The following FBXO31 variants were observed in gnomAD, a reference collection of about 807,000 sequenced individuals.
FBXO31 encodes F-box only protein 31.
FBXO31 carries 24 observed loss-of-function variants against 54.4 expected under a neutral mutation model. The observed-to-expected ratio is 0.44, with a 90% CI of 0.32 to 0.62. The LOEUF (loss-of-function observed/expected upper bound fraction) is 0.62, where lower values mean the gene tolerates loss of function less well. Ranked by LOEUF, FBXO31 falls within the 20% of genes least tolerant of loss-of-function variation. FBXO31 has a pLI of 0.05. For synonymous variants in FBXO31, 388 were observed against 335.6 expected, an observed-to-expected ratio of 1.16 and a Z score of -1.71; for missense variants, 665 against 787.1, an observed-to-expected ratio of 0.84 and a Z score of 1.86.
At chr16:87,388,053 T>C (rs1453283541), upstream of FBXO31, among the ~76,000 whole-genome samples, 2 of 152,224 alleles carry the variant, frequency 1.3e-5, no homozygotes, top group Non-Finnish European at 2.9e-5. Context: ...ACAGCAGTCC[T>C]ACAGAATTTG....
rs997838287 is a variant in FBXO31, at chr16:87,335,214, G to A, written c.996+90C>T. The stretch of plus-strand genomic sequence containing the variant: ...CCACTCTGAGGAGCAAGGGTGCCGG[G>A]GATCAGTGTCTGCCCAAGTTCCCTG... On this transcript the variant is annotated intron_variant, in intron 7 of 8. Coordinates refer to ENST00000311635, the MANE Select transcript of FBXO31 (RefSeq NM_024735.5). The surrounding 1 kb of genome is among the most constrained non-coding windows in gnomAD (Gnocchi z 5.7). The A allele has an allele frequency of 1.3e-6, 2 of 1,567,600 alleles. No homozygotes were observed. The highest frequency in any genetic ancestry group is 1.7e-6 in the Non-Finnish European group (2 of 1,151,838).
At chr16:87,364,229 C>T (rs1248048143) in intron 1 of FBXO31, among the ~76,000 whole-genome samples, 1 of 152,266 alleles carries the variant, frequency 6.6e-6, no homozygotes, top group African/African-American at 2.4e-5. Context: ...GCTCATCCCA[C>T]AAGACGCCTC....
chr16:87,366,971 A>C (rs1229630141), intron 1 of FBXO31: 1 of 152,250 alleles, frequency 6.6e-6, no homozygotes, highest in African/African-American at 2.4e-5. Context: ...TGAACCCAGG[A>C]GTTCAAGACC....
Position 87,383,529 on chromosome 16 carries a change from G to C in FBXO31, c.216C>G (p.Pro72=), listed in dbSNP as rs775427414. The C allele has an allele frequency of 1.1e-5, 18 of 1,580,682 alleles. No homozygotes were observed. In the South Asian group the frequency reaches 1.5e-4, roughly 13 times the overall value. The change falls in exon 1 of 9, where the codon CCC becomes CCG. Residue 72 remains proline, a synonymous_variant. Coordinates refer to ENST00000311635, the MANE Select transcript of FBXO31 (RefSeq NM_024735.5). The surrounding 1 kb of genome is among the most constrained non-coding windows in gnomAD (Gnocchi z 4.9). The part of the protein sequence containing the change: ...PPRCSLLELP[P]ELLVEIFASL... ...ACGCGAAGATCTCCACCAGCAGCTC[G>C]GGCGGCAGCTCCAGCAGCGAGCAGC...
intron 8 of FBXO31, among the ~76,000 whole-genome samples, 178 bp from the exon 9 acceptor site, chr16:87,331,688 G>A (rs1009255884): frequency 3.3e-5 from 5 of 152,258 alleles, no homozygotes; most frequent in Non-Finnish European, 7.3e-5. Context: ...TGTGGGCTGA[G>A]CCTGTCTCTG....
In FBXO31 at chr16:87,376,754, T is replaced by G. The variant is rs570180470; in HGVS notation, c.340+6651A>C. ...CAGGACGCCAGGTGGGCAAGGACCA[T>G]GCACCTCCCAGGCAGCCCAAGCTCT... On this transcript the variant is annotated intron_variant, in intron 1 of 8. Coordinates refer to ENST00000311635, the MANE Select transcript of FBXO31 (RefSeq NM_024735.5). 3.9e-5 allele frequency among the ~76,000 whole-genome samples: 6 copies of G among 152,166 alleles called. No homozygotes were observed. The South Asian group carries it at 1.2e-3, about 32-fold the overall frequency.
chr16:87,333,948 C>T lies in FBXO31; in HGVS notation c.1335G>A (p.Pro445=), dbSNP rs368130582. Residue 445 remains proline (P), a synonymous_variant, in exon 8 of 9, where the codon CCG becomes CCA. Transcript: ENST00000311635. ...AGCTCACGCCCACGGGCAGCACGAACGGCTGCCCCTGCCCACACTGGGCAG... is the reference window on the plus strand; with the variant it reads ...AGCTCACGCCCACGGGCAGCACGAATGGCTGCCCCTGCCCACACTGGGCAG... ...EQPAQCGQGQ[P]FVLPVGVSSR... is the part of the protein sequence containing the mutation. The T allele has an allele frequency of 1.4e-5, 23 of 1,612,220 alleles. No homozygotes were observed. In the East Asian group the frequency reaches 2.0e-4, roughly 14 times the overall value.
chr16:87,335,159 T>C lies in FBXO31; in HGVS notation c.996+145A>G. 8.5e-7 allele frequency: 1 copy of C among 1,177,940 alleles called. No homozygotes were observed. The allele number at this position is 1,177,940 out of a possible 1,614,324, so 73.0% of individuals were successfully genotyped here. On this transcript the variant is annotated intron_variant, in intron 7 of 8. Transcript: ENST00000311635. This position sits in a 1 kb window ranked among gnomAD's most constrained non-coding sequence, Gnocchi z 5.7. ...CTGGCTGGGGCCCGAGAATCTGCTT[T>C]CCCAAGCTCCCGGGGCTGCAGGTGC...
intron 1 of FBXO31, among the ~76,000 whole-genome samples, chr16:87,373,313 A>G (rs933589757): frequency 6.6e-6 from 1 of 151,892 alleles, no homozygotes; most frequent in Non-Finnish European, 1.5e-5. Flanking sequence ...TTAGCCGAGC[A>G]TGGTGTCGGG....
At chr16:87,339,743 G>C (rs1301382402) in intron 5 of FBXO31, among the ~76,000 whole-genome samples, 1 of 152,222 alleles carries the variant, frequency 6.6e-6, no homozygotes, top group African/African-American at 2.4e-5. Flanking sequence ...AGACAGCAAG[G>C]GGATGTTTCT....
At chr16:87,385,350 C>T (rs1017124743), upstream of FBXO31, among the ~76,000 whole-genome samples, 16 of 151,368 alleles carry the variant, frequency 1.1e-4, no homozygotes, top group South Asian at 2.1e-4. Context: ...CCCAGCTACT[C>T]GGGAGGCTGA....
At position 87,377,297 on chromosome 16, in the gene FBXO31, T is replaced by G. The variant is rs1167548813; in HGVS notation, c.340+6108A>C. Among the ~76,000 whole-genome samples, 4 of 152,072 alleles carry G rather than the reference T, an allele frequency of 2.6e-5. No individual in the cohort carries two copies. The East Asian group carries it at 5.8e-4, about 22-fold the overall frequency. On this transcript the variant is annotated intron_variant, in intron 1 of 8. Coordinates refer to ENST00000311635, the MANE Select transcript of FBXO31 (RefSeq NM_024735.5). ...CTGTCTCTATAAAAAGATACAAAAA[T>G]TAGCCAGGTGTGTTGGCACGTGCCT...
chr16:87,376,071 A>G (rs561156084), intron 1 of FBXO31, among the ~76,000 whole-genome samples: 1 of 152,228 alleles, frequency 6.6e-6, no homozygotes, highest in South Asian at 2.1e-4. Context: ...TCCAGTTGCC[A>G]GTGTATTCCC....
At chr16:87,343,405 C>T (rs1436051011) in intron 4 of FBXO31, among the ~76,000 whole-genome samples, 193 bp downstream of exon 4, 1 of 152,276 alleles carries the variant, frequency 6.6e-6, no homozygotes, top group Admixed American at 6.5e-5. Context: ...AGGGGTCCAG[C>T]AAGTGACCGC....
chr16:87,362,204 T>A (rs1284830020), intron 1 of FBXO31, among the ~76,000 whole-genome samples: 1 of 151,958 alleles, frequency 6.6e-6, no homozygotes, highest in Non-Finnish European at 1.5e-5. Flanking sequence ...AGTAGCCACA[T>A]CAAAAAGGGT....
Position 87,335,267 on chromosome 16 carries a change from C to T in FBXO31, c.996+37G>A, listed in dbSNP as rs779872605. 1.2e-6 allele frequency: 2 copies of T among 1,609,514 alleles called. No homozygotes were observed. Among genetic ancestry groups the T allele is most frequent in the South Asian group, 1.1e-5 (1 of 91,006 alleles). On this transcript the variant is annotated intron_variant, in intron 7 of 8. Transcript: ENST00000311635. This position sits in a 1 kb window ranked among gnomAD's most constrained non-coding sequence, Gnocchi z 5.7. ...TCCACAGCCCACTTGGGCCAGGTGC[C>T]CCCAGAGCCCCACCAACCAGGTCAG... is the stretch of plus-strand genomic sequence containing the variant.
At chr16:87,385,457 CAA>C (rs531673191), upstream of FBXO31, among the ~76,000 whole-genome samples, 20 of 121,872 alleles carry the variant, frequency 1.6e-4, no homozygotes, top group African/African-American at 4.1e-4. Context: ...GACTCTGTCT[CAA>C]AAAAAAAAAA....
At chr16:87,365,733 T>C (rs1433153093) in intron 1 of FBXO31, among the ~76,000 whole-genome samples, 1 of 152,194 alleles carries the variant, frequency 6.6e-6, no homozygotes, top group African/African-American at 2.4e-5. Flanking sequence ...AACAACTGTA[T>C]GAAAAACGCT....
chr16:87,369,558 G>A (rs1313534098), intron 1 of FBXO31, among the ~76,000 whole-genome samples: 1 of 152,172 alleles, frequency 6.6e-6, no homozygotes, highest in Non-Finnish European at 1.5e-5. Context: ...ACCACGCTGT[G>A]TTCATCCGTT....
Sources: gnomAD v4.1 joint callset for allele counts (sites outside exome capture counted in the v4.1 genomes callset) on GRCh38, gnomAD v4.1.1 for gene constraint, Gnocchi (gnomAD v3.1) non-coding constraint, MANE v1.5 for transcripts, NCBI Gene and HGNC (gene_info 2026-07-23, HGNC 2026-07-21) for gene names.